Variants in GK observed in about 807,000 individuals in gnomAD.
GK encodes ATP:glycerol 3-phosphotransferase.
In GK, 9 loss-of-function variants were observed where a neutral mutation model predicts 56.4. The ratio of observed to expected loss-of-function variants is 0.16; its 90% CI spans 0.10 to 0.28. The LOEUF is 0.28. Ranked by LOEUF, GK falls within the 10% of genes least tolerant of loss-of-function variation. The pLI is 1.00. For missense variants in GK, 161 were observed against 431.4 expected (o/e 0.37, Z 5.55); for synonymous variants, 104 against 144.1 (o/e 0.72, Z 1.99).
chrX:30,719,629 C>A, intron 15 of GK, 114 bp downstream of exon 15: 1 of 493,936 alleles, frequency 2.0e-6, no homozygotes, highest in Middle Eastern at 5.1e-4. Context: ...TTGAGAAAAC[C>A]TTTTCTTTTT....
At chrX:30,670,525 T>A (rs1043001673) in intron 3 of GK, among the ~76,000 whole-genome samples, 5 of 111,427 alleles carry the variant, frequency 4.5e-5, no homozygotes, top group African/African-American at 1.6e-4. Flanking sequence ...AGCACTTCCA[T>A]CTGTACAACT....
chrX:30,722,289 T>C (rs1352004581), intron 18 of GK, among the ~76,000 whole-genome samples: 1 of 112,699 alleles, frequency 8.9e-6, no homozygotes, highest in Non-Finnish European at 1.9e-5. Context: ...CATCTGATAT[T>C]CTGTCATTTT....
intron 3 of GK, among the ~76,000 whole-genome samples, chrX:30,672,848 C>G (rs1457840940): frequency 8.9e-6 from 1 of 111,814 alleles, no homozygotes; most frequent in African/African-American, 3.2e-5. Flanking sequence ...CTTTATCTCT[C>G]TTCCCACATG....
chrX:30,717,805 T>A (rs1039038773), intron 13 of GK, among the ~76,000 whole-genome samples: 2 of 111,918 alleles, frequency 1.8e-5, no homozygotes, highest in Non-Finnish European at 3.8e-5. Context: ...CCTTCACATA[T>A]ATTCTCATAT....
Position 30,704,612 on chromosome X carries a change from A to C in GK, c.852-2944A>C, listed in dbSNP as rs1485009779. Among the ~76,000 whole-genome samples the C allele has an allele frequency of 7.5e-5, 8 of 106,867 alleles. No homozygotes were observed. The East Asian group carries it at 2.4e-3, about 32-fold the overall frequency. The allele number at this position is 106,867 out of a possible 115,157, so 92.8% of individuals were successfully genotyped here. ...TTTTGAGATGGAGTCTCGCTCTGTCACCAGGCTGGAGTGCAGTGGCATGAT... is the reference window on the plus strand; with the variant it reads ...TTTTGAGATGGAGTCTCGCTCTGTCCCCAGGCTGGAGTGCAGTGGCATGAT... On this transcript the variant is annotated intron_variant, in intron 11 of 20. Transcript: ENST00000427190.
At chrX:30,684,230 AT>A (rs1424668981) in intron 4 of GK, among the ~76,000 whole-genome samples, 1 of 112,124 alleles carries the variant, frequency 8.9e-6, no homozygotes, top group African/African-American at 3.2e-5. Flanking sequence ...CCAAACTAGA[AT>A]GGCCTAGCTG....
chrX:30,730,200 C>T lies in GK; in HGVS notation c.*1458C>T, dbSNP rs1168063131. 1 of 111,529 alleles carries T rather than the reference C, an allele frequency of 9.0e-6. No individual in the cohort carries two copies. The highest frequency in any genetic ancestry group is 3.3e-5 in the African/African-American group (1 of 30,666). The allele number at this position is 111,529 out of a possible 1,213,427, so 9.2% of individuals were successfully genotyped here. ...GTAGTAAACAGTGAAGAAAAGATTG[C>T]CTCCTAATTATTTTTTTCAATGAGT... On this transcript the variant is annotated 3_prime_UTR_variant, in exon 21 of 21. Transcript: ENST00000427190.
chrX:30,669,400 T>C (rs1009365109), intron 3 of GK, among the ~76,000 whole-genome samples: 35 of 110,285 alleles, frequency 3.2e-4, no homozygotes, highest in Non-Finnish European at 6.1e-4. Flanking sequence ...GCCAGGCTGG[T>C]CTCGAACTCC....
chrX:30,697,712 C>T lies in GK; in HGVS notation c.730-20C>T. 1 of 1,108,454 alleles carries T rather than the reference C, an allele frequency of 9.0e-7. No homozygotes were observed. The highest frequency in any genetic ancestry group is 1.2e-6 in the Non-Finnish European group (1 of 802,193). The allele number at this position is 1,108,454 out of a possible 1,213,427, so 91.3% of individuals were successfully genotyped here. A position where few individuals can be genotyped will look rare whatever the true frequency, so the allele number is the denominator to read the frequency against. ...AAATATTATGCTTCTATCCTTCTCT[C>T]TCCCCCTTGCTGACTATAGAAAATC... On this transcript the variant is annotated intron_variant, in intron 8 of 20. Coordinates refer to ENST00000427190, the MANE Select transcript of GK (RefSeq NM_001205019.2).
At position 30,730,175 on chromosome X, in the gene GK, G is replaced by A. The variant is rs1937296310; in HGVS notation, c.*1433G>A. 1 of 111,774 alleles carries A rather than the reference G, an allele frequency of 8.9e-6. No individual in the cohort carries two copies. Among genetic ancestry groups the A allele is most frequent in the African/African-American group, 3.2e-5 (1 of 30,800 alleles). The allele number at this position is 111,774 out of a possible 1,213,427, so 9.2% of individuals were successfully genotyped here. A position where few individuals can be genotyped will look rare whatever the true frequency, so the allele number is the denominator to read the frequency against. On this transcript the variant is annotated 3_prime_UTR_variant, in exon 21 of 21. Coordinates refer to ENST00000427190, the MANE Select transcript of GK (RefSeq NM_001205019.2). ...AAATATCTTAAAATTACTTTGTTTT[G>A]TAGTAAACAGTGAAGAAAAGATTGC...
In GK at chrX:30,699,318, T is replaced by TTA. The variant is rs368129196; in HGVS notation, c.748-1083_748-1082dup. ...ACATAACATGTATATATATAACATG[T>TTA]TATATATATATATACACACATACGT... On this transcript the variant is annotated intron_variant, in intron 9 of 20. Coordinates refer to ENST00000427190, the MANE Select transcript of GK (RefSeq NM_001205019.2). 6.5e-3 allele frequency among the ~76,000 whole-genome samples: 98 copies of TTA among 15,142 alleles called. 1 individual carries two copies. Among genetic ancestry groups the TTA allele is most frequent in the African/African-American group, 0.016 (60 of 3,816 alleles). 13.1% of individuals were successfully genotyped at this position (15,142 alleles called of 115,157 possible).
chrX:30,719,386 G>T, intron 14 of GK, 33 bp from the exon 15 acceptor site: 1 of 860,686 alleles, frequency 1.2e-6, no homozygotes, highest in Non-Finnish European at 1.7e-6. Flanking sequence ...CAATATTTGT[G>T]TGATTTTTGT....
At chrX:30,695,207 T>A (rs1935179344) in intron 6 of GK, 1 of 859,623 alleles carries the variant, frequency 1.2e-6, no homozygotes, top group Admixed American at 3.6e-5. Context: ...ACTTGACAGA[T>A]CCACAGAGCA....
rs968200336 is a variant in GK, at chrX:30,664,664, G to A, written c.79-847G>A. Among the ~76,000 whole-genome samples the A allele has an allele frequency of 2.5e-4, 25 of 100,421 alleles. 1 individual carries two copies. The highest frequency in any genetic ancestry group is 6.0e-5 in the Non-Finnish European group (3 of 50,120). The allele number at this position is 100,421 out of a possible 115,157, so 87.2% of individuals were successfully genotyped here. ...AGAGTACTCAGCTGGATGGGGCCAA[G>A]TATATACTTATCCCTTTACTAACAA... On this transcript the variant is annotated intron_variant, in intron 1 of 20. Coordinates refer to ENST00000427190, the MANE Select transcript of GK (RefSeq NM_001205019.2).
intron 8 of GK, among the ~76,000 whole-genome samples, chrX:30,697,008 GGA>G (rs1215502460): frequency 2.7e-4 from 30 of 112,584 alleles, no homozygotes; most frequent in African/African-American, 8.7e-4. Flanking sequence ...TTAATTTAGC[GGA>G]GAGACTCTGC....
chrX:30,726,536 C>G (rs1356095041), intron 19 of GK, among the ~76,000 whole-genome samples: 1 of 111,677 alleles, frequency 9.0e-6, no homozygotes, highest in African/African-American at 3.3e-5. Flanking sequence ...ATCCGCCCAC[C>G]TCAGCCTCCC....
At chrX:30,698,957 A>C (rs1449050046) in intron 9 of GK, among the ~76,000 whole-genome samples, 14 of 107,542 alleles carry the variant, frequency 1.3e-4, no homozygotes, top group African/African-American at 3.7e-4. Flanking sequence ...TATCTAGAGG[A>C]CATTTTCTAT....
At chrX:30,672,129 A>ATTGTT (rs1933555725) in intron 3 of GK, 1 of 83,477 alleles carries the variant, frequency 1.2e-5, no homozygotes, top group Non-Finnish European at 2.2e-5. Context: ...ATTGTACTCC[A>ATTGTT]GCCTGGGCAA....
chrX:30,666,524 T>C (rs1162930181), intron 2 of GK, among the ~76,000 whole-genome samples: 2 of 111,958 alleles, frequency 1.8e-5, no homozygotes, highest in African/African-American at 6.5e-5. Context: ...GGAAATATTT[T>C]GTATCTTGAC....
Sources: gnomAD v4.1 joint callset for allele counts (sites outside exome capture counted in the v4.1 genomes callset) on GRCh38, gnomAD v4.1.1 for gene constraint, MANE v1.5 for transcripts, NCBI Gene and HGNC (gene_info 2026-07-23, HGNC 2026-07-21) for gene names.